Variants in DAP3 observed in about 807,000 individuals in gnomAD.
DAP3 encodes death associated protein 3.
A neutral mutation model predicts 51.9 loss-of-function variants in DAP3; 28 were observed. The ratio of observed to expected loss-of-function variants is 0.54; its 90% CI spans 0.40 to 0.74. The LOEUF is 0.74. Among genes scored for constraint, DAP3 ranks in the 30% least tolerant of loss-of-function variants. The probability of loss-of-function intolerance (pLI) is 0.00; values close to 1 mark genes in which losing one functional copy is unlikely to be tolerated. For missense variants in DAP3, 458 were observed against 483.5 expected (o/e 0.95, Z 0.49); for synonymous variants, 170 against 170.3 (o/e 1.00, Z 0.01).
At position 155,735,326 on chromosome 1, in the gene DAP3, T is replaced by A. The variant is rs564535753; in HGVS notation, c.994-1620T>A. 7.4e-5 allele frequency among the ~76,000 whole-genome samples: 11 copies of A among 148,832 alleles called. No homozygotes were observed. In the South Asian group the frequency reaches 8.6e-4, roughly 12 times the overall value. ...CGCAGTGGCTCACGCCTATAATCCCTGCACTTTGGGAGGCCAGGGCGGGCG... is the reference window on the plus strand; with the variant it reads ...CGCAGTGGCTCACGCCTATAATCCCAGCACTTTGGGAGGCCAGGGCGGGCG... On this transcript the variant is annotated intron_variant, in intron 11 of 12. Transcript: ENST00000368336.
chr1:155,729,436 A>AAG, intron 9 of DAP3, 70 bp downstream of exon 9: 1 of 1,561,356 alleles, frequency 6.4e-7, no homozygotes, highest in Non-Finnish European at 8.7e-7. Flanking sequence ...GCTGGGTCTT[A>AAG]GCCTTGTAGA....
rs555685042 is a variant in DAP3, at chr1:155,690,138, A to T, written c.-8+964A>T. On this transcript the variant is annotated intron_variant, in intron 1 of 12. Transcript: ENST00000368336. Reference sequence around the variant, plus strand: ...AATGACTTGATTTAGATTAATGAGGATATATTTTTCAAATTTATGCCTTTT... The same window carrying T: ...AATGACTTGATTTAGATTAATGAGGTTATATTTTTCAAATTTATGCCTTTT... Among the ~76,000 whole-genome samples the T allele has an allele frequency of 6.4e-5, 9 of 141,598 alleles. No individual in the cohort carries two copies. The South Asian group carries it at 1.9e-3, about 29-fold the overall frequency. 92.9% of individuals were successfully genotyped at this position (141,598 alleles called of 152,430 possible). A position where few individuals can be genotyped will look rare whatever the true frequency, so the allele number is the denominator to read the frequency against.
chr1:155,730,202 G>GTATATATGTATATATAATATTCATATATT (rs1659081693), intron 9 of DAP3, among the ~76,000 whole-genome samples: 2 of 147,060 alleles, frequency 1.4e-5, no homozygotes, highest in African/African-American at 2.5e-5. Context: ...ATTCATATAT[G>GTATATATGTATATATAATATTCATATATT]TATATATGTA....
intron 3 of DAP3, among the ~76,000 whole-genome samples, chr1:155,719,686 T>C (rs1657765537): frequency 6.6e-6 from 1 of 152,040 alleles, no homozygotes; most frequent in Non-Finnish European, 1.5e-5. Context: ...TAGCTGGGAT[T>C]ACAGGCGCCT....
intron 4 of DAP3, among the ~76,000 whole-genome samples, chr1:155,724,565 G>A (rs1275826956): frequency 1.3e-5 from 2 of 149,894 alleles, no homozygotes; most frequent in Non-Finnish European, 3.0e-5. Context: ...CCCCGGAGGC[G>A]GAGGTTGCAG....
chr1:155,736,593 T>C (rs1388330277), intron 11 of DAP3: 1 of 262,966 alleles, frequency 3.8e-6, no homozygotes, highest in East Asian at 1.2e-4. Context: ...ATTTTTGTAT[T>C]TTCTGTCGAG....
At chr1:155,689,225 G>A in intron 1 of DAP3, 51 bp downstream of exon 1, 1 of 694,300 alleles carries the variant, frequency 1.4e-6, no homozygotes. Flanking sequence ...AAAGGAGCGG[G>A]ACTCCGGACC....
At chr1:155,692,875 A>G (rs939967793) in intron 1 of DAP3, among the ~76,000 whole-genome samples, 1 of 142,130 alleles carries the variant, frequency 7.0e-6, no homozygotes, top group Non-Finnish European at 1.5e-5. Flanking sequence ...TTGTTGGTCT[A>G]TCCGGGTCTG....
chr1:155,731,519 G>A, intron 10 of DAP3, 104 bp downstream of exon 10: 1 of 1,166,410 alleles, frequency 8.6e-7, no homozygotes, highest in Non-Finnish European at 1.3e-6. Context: ...TAATTTTATG[G>A]ACAGTAAGTT....
At chr1:155,690,181 T>G (rs1653547118) in intron 1 of DAP3, among the ~76,000 whole-genome samples, 1 of 141,234 alleles carries the variant, frequency 7.1e-6, no homozygotes, top group South Asian at 2.1e-4. Flanking sequence ...TTTTAAAGAG[T>G]AGGTAATGTC....
Position 155,725,679 on chromosome 1 carries a change from A to G in DAP3, c.379+189A>G, listed in dbSNP as rs3738589. On this transcript the variant is annotated intron_variant, in intron 5 of 12. Coordinates refer to ENST00000368336, the MANE Select transcript of DAP3 (RefSeq NM_004632.4). ...GGAGTTCAAGACCTGCCTGGCCAAC[A>G]TGGCGAAACCCCGCATTTACTAAAA... Among the ~76,000 whole-genome samples, 37 of 152,310 alleles carry G rather than the reference A, an allele frequency of 2.4e-4. 1 individual carries two copies. The East Asian group carries it at 7.1e-3, about 29-fold the overall frequency.
At chr1:155,718,819 A>C (rs1657657013) in intron 3 of DAP3, among the ~76,000 whole-genome samples, 1 of 152,186 alleles carries the variant, frequency 6.6e-6, no homozygotes, top group Admixed American at 6.5e-5. Flanking sequence ...AAGTAGAATA[A>C]ATGAATCAAG....
At chr1:155,705,569 C>A (rs1655857644) in intron 1 of DAP3, among the ~76,000 whole-genome samples, 1 of 147,852 alleles carries the variant, frequency 6.8e-6, no homozygotes, top group Non-Finnish European at 1.5e-5. Context: ...TGCCATTGCA[C>A]CCCATCCTGG....
At chr1:155,711,731 C>G (rs1014834686) in intron 2 of DAP3, among the ~76,000 whole-genome samples, 1 of 151,162 alleles carries the variant, frequency 6.6e-6, no homozygotes, top group African/African-American at 2.4e-5. Context: ...CACAGTAGGC[C>G]GTGAGCAAGC....
At chr1:155,726,367 C>T (rs1188951655) in intron 6 of DAP3, 1 of 155,032 alleles carries the variant, frequency 6.5e-6, no homozygotes, top group Non-Finnish European at 1.4e-5. Flanking sequence ...CAGCTCACTG[C>T]AAGCTCCGCC....
At chr1:155,694,170 A>G (rs1214007994) in intron 1 of DAP3, among the ~76,000 whole-genome samples, 2 of 141,194 alleles carry the variant, frequency 1.4e-5, no homozygotes, top group Admixed American at 1.3e-4. Context: ...TAACTAGCCA[A>G]TGTTGTCCGT....
At chr1:155,725,621 G>A (rs1658488215) in intron 5 of DAP3, 131 bp downstream of exon 5, 1 of 874,034 alleles carries the variant, frequency 1.1e-6, no homozygotes, top group South Asian at 1.6e-5. Flanking sequence ...CCAGGAGTTT[G>A]GGAAGCCGAG....
upstream of DAP3, chr1:155,688,458 C>G (rs1415661407): frequency 1.3e-6 from 2 of 1,549,416 alleles, no homozygotes; most frequent in African/African-American, 1.4e-5. Flanking sequence ...CGCCCGACTC[C>G]GGCCATGTAG....
upstream of DAP3, chr1:155,688,989 A>AG (rs1187326268): frequency 6.2e-7 from 1 of 1,603,108 alleles, no homozygotes; most frequent in African/African-American, 1.3e-5. Flanking sequence ...GACCGCGGCG[A>AG]GGGGATCGAG....
Sources: allele counts gnomAD v4.1 joint callset (sites outside exome capture counted in the v4.1 genomes callset), GRCh38; gene constraint gnomAD v4.1.1; transcripts MANE v1.5; gene names NCBI Gene and HGNC (gene_info 2026-07-23, HGNC 2026-07-21).